GAREM2: variants seen among roughly 807,000 people sequenced by gnomAD.
GAREM2 encodes GRB2-associated and regulator of MAPK protein 2.
In GAREM2, 30 loss-of-function variants were observed where a neutral mutation model predicts 55.6. That is an observed-to-expected ratio of 0.54 (90% CI 0.40 to 0.73). GAREM2 has a LOEUF of 0.73. Among genes scored for constraint, GAREM2 ranks in the 30% least tolerant of loss-of-function variants. The pLI, the probability that GAREM2 is intolerant of heterozygous loss-of-function variation, is 0.00. For missense variants in GAREM2, 1,075 were observed against 1,257.7 expected (o/e 0.85, Z 2.20); for synonymous variants, 550 against 569.1 (o/e 0.97, Z 0.48).
In GAREM2 at chr2:26,187,830, G is replaced by A. The variant is rs1669337770; in HGVS notation, c.2198G>A (p.Arg733His). The A allele has an allele frequency of 7.0e-6, 10 of 1,438,790 alleles. No homozygotes were observed. The highest frequency in any genetic ancestry group is 1.4e-5 in the African/African-American group (1 of 69,518). The allele number at this position is 1,438,790 out of a possible 1,614,324, so 89.1% of individuals were successfully genotyped here. Residue 733 changes from arginine to histidine, a missense_variant, in exon 6 of 6, where the codon CGC becomes CAC. Physicochemically the swap from Arg to His is conservative, Grantham distance 29 (BLOSUM62 0). Around this residue, in one of 6 missense-constraint regions of GAREM2, gnomAD observed 15 missense variants for 31.0 expected, o/e 0.48. Transcript: ENST00000401533. ...RAVGTPGPGP[R>H]LSPLGPSKAF... ...GTGGGGACACCTGGGCCTGGACCCC[G>A]CCTTTCACCACTTGGCCCCTCCAAG...
chr2:26,187,088 C>T (rs1669286393), intron 5 of GAREM2, 143 bp from the exon 6 acceptor site: 4 of 1,237,248 alleles, frequency 3.2e-6, no homozygotes, highest in Non-Finnish European at 4.0e-6. Flanking sequence ...CACGGCCATT[C>T]CGGAGGGTCT....
At chr2:26,193,563 T>C (rs756064417), downstream of GAREM2, 6 of 1,601,862 alleles carry the variant, frequency 3.7e-6, no homozygotes, top group East Asian at 1.3e-4. Context: ...TTATGTTTCC[T>C]TGAGGCTACT....
chr2:26,187,711 G>T lies in GAREM2; in HGVS notation c.2079G>T (p.Trp693Cys), dbSNP rs1669330409. The change falls in exon 6 of 6, where the codon TGG becomes TGT. Residue 693 changes from tryptophan (W) to cysteine (C), a missense_variant. By Grantham distance (215) the Trp-to-Cys change is radical. Transcript: ENST00000401533. ...CCTCCTCCTCCTCTTCTTCTGAATG[G>T]CAGGAACCAGTCCTGGAGCCCTTCG... ...CAPSSSSSSE[W>C]QEPVLEPFDP... 2 of 1,481,694 alleles carry T rather than the reference G, an allele frequency of 1.3e-6. No homozygotes were observed. The highest frequency in any genetic ancestry group is 2.4e-5 in the Admixed American group (1 of 40,898). The allele number at this position is 1,481,694 out of a possible 1,614,324, so 91.8% of individuals were successfully genotyped here.
chr2:26,195,193 G>T, the GAREM2 span: 2 of 1,611,624 alleles, frequency 1.2e-6, no homozygotes, highest in East Asian at 2.2e-5. Context: ...TCCAGCAGCT[G>T]CATCTTGTCC....
intron 1 of GAREM2, among the ~76,000 whole-genome samples, chr2:26,175,789 C>T (rs1046716653): frequency 1.3e-5 from 2 of 152,188 alleles, no homozygotes; most frequent in South Asian, 2.1e-4. Context: ...GGGACAGTCC[C>T]GTCCGGGCCC....
chr2:26,191,779 C>T, downstream of GAREM2: 1 of 776,100 alleles, frequency 1.3e-6, no homozygotes, highest in Non-Finnish European at 2.3e-6. Flanking sequence ...CCTGGGTGAA[C>T]CAAACTTTCC....
intron 3 of GAREM2, among the ~76,000 whole-genome samples, chr2:26,183,332 A>T (rs1275898319): frequency 6.6e-6 from 1 of 152,208 alleles, no homozygotes; most frequent in Non-Finnish European, 1.5e-5. Context: ...TGGAAGGGTC[A>T]TGTTCTGACT....
chr2:26,202,943 G>A, the GAREM2 span, among the ~76,000 whole-genome samples: 1,992 of 152,298 alleles, frequency 0.013, 37 homozygotes, highest in Non-Finnish European at 0.012. Context: ...AGCGGCACTC[G>A]CCAGAACCTG....
intron 1 of GAREM2, among the ~76,000 whole-genome samples, chr2:26,173,578 C>A (rs1247402704): frequency 6.6e-6 from 1 of 152,078 alleles, no homozygotes. Flanking sequence ...AGAGTTTTCC[C>A]GCCCAGCTGG....
Position 26,188,238 on chromosome 2 carries a change from G to A in GAREM2, c.2606G>A (p.Gly869Asp), listed in dbSNP as rs1448272535. Reference protein sequence around the residue: ...QVKKIMQFIKGWRPKI With the variant: ...QVKKIMQFIKDWRPKI The stretch of plus-strand genomic sequence containing the variant: ...AAGAAGATCATGCAGTTCATCAAAG[G>A]CTGGAGGCCCAAGATCTGAACTGCC... Residue 869 changes from glycine (G) to aspartate (D), a missense_variant, in exon 6 of 6, where the codon GGC becomes GAC. Gly to Asp is a moderately conservative substitution (Grantham distance 94). Coordinates refer to ENST00000401533, the MANE Select transcript of GAREM2 (RefSeq NM_001168241.2). 6.7e-7 allele frequency: 1 copy of A among 1,486,400 alleles called. No homozygotes were observed. Among genetic ancestry groups the A allele is most frequent in the African/African-American group, 1.4e-5 (1 of 71,372 alleles). The allele number at this position is 1,486,400 out of a possible 1,614,324, so 92.1% of individuals were successfully genotyped here.
chr2:26,174,725 G>C (rs538841197), intron 1 of GAREM2, among the ~76,000 whole-genome samples: 1 of 152,344 alleles, frequency 6.6e-6, no homozygotes, highest in East Asian at 1.9e-4. Flanking sequence ...GTGAATGTCT[G>C]GTCAGAATTG....
At chr2:26,192,506 GC>G, downstream of GAREM2, 1 of 831,944 alleles carries the variant, frequency 1.2e-6, no homozygotes, top group Non-Finnish European at 2.1e-6. Context: ...CCCTGGCCTG[GC>G]CAGGCGTGGT....
rs1212765359 is a variant in GAREM2 at position 26,187,307 on chromosome 2, G to T, written c.1675G>T (p.Asp559Tyr). 6.6e-7 allele frequency: 1 copy of T among 1,518,282 alleles called. No individual in the cohort carries two copies. The highest frequency in any genetic ancestry group is 1.3e-5 in the South Asian group (1 of 79,570). 94.1% of individuals were successfully genotyped at this position (1,518,282 alleles called of 1,614,324 possible). Residue 559 changes from aspartate to tyrosine, a missense_variant, in exon 6 of 6, where the codon GAC (aspartate) becomes TAC (tyrosine). Transcript: ENST00000401533. ...SLYCYPCTWGDCKVGESSSRP... is the reference protein window; with the variant it reads ...SLYCYPCTWGYCKVGESSSRP... ...CTATTGCTACCCATGCACCTGGGGA[G>T]ACTGCAAGGTGGGCGAGTCCTCTAG...
chr2:26,199,060 A>G, the GAREM2 span, among the ~76,000 whole-genome samples: 1 of 151,926 alleles, frequency 6.6e-6, no homozygotes, highest in Non-Finnish European at 1.5e-5. Context: ...ATGCCTGGCT[A>G]ATTTTTTTGT....
downstream of GAREM2, chr2:26,194,529 G>T: frequency 1.7e-6 from 2 of 1,144,466 alleles, no homozygotes; most frequent in Non-Finnish European, 2.7e-6. Flanking sequence ...GTGACTGAAG[G>T]AGTGGAAGAT....
At chr2:26,176,925 C>T (rs1052945853) in intron 2 of GAREM2, among the ~76,000 whole-genome samples, 1 of 152,160 alleles carries the variant, frequency 6.6e-6, no homozygotes, top group Non-Finnish European at 1.5e-5. Flanking sequence ...CACCTCTCCG[C>T]GCTGATCCTG....
chr2:26,185,293 G>C lies in GAREM2; in HGVS notation c.1428+17G>C, dbSNP rs1254538773. The C allele has an allele frequency of 6.7e-7, 1 of 1,494,812 alleles. No homozygotes were observed. Among genetic ancestry groups the C allele is most frequent in the Non-Finnish European group, 8.9e-7 (1 of 1,128,672 alleles). The allele number at this position is 1,494,812 out of a possible 1,614,324, so 92.6% of individuals were successfully genotyped here. On this transcript the variant is annotated intron_variant, in intron 4 of 5. Transcript: ENST00000401533. ...TCCGAGGCGGTGAGTGAGCGCGCTGGGGGCCGAGTCCCGGGTCCAGCCAGG... is the reference window on the plus strand; with the variant it reads ...TCCGAGGCGGTGAGTGAGCGCGCTGCGGGCCGAGTCCCGGGTCCAGCCAGG...
Position 26,184,551 on chromosome 2 carries a change from G to A in GAREM2, c.703G>A (p.Gly235Ser). The change falls in exon 4 of 6, where the codon GGC (glycine) becomes AGC (serine). Residue 235 changes from glycine (G) to serine (S), a missense_variant. By Grantham distance (56) the Gly-to-Ser change is moderately conservative. Coordinates refer to ENST00000401533, the MANE Select transcript of GAREM2 (RefSeq NM_001168241.2). The stretch of plus-strand genomic sequence containing the variant: ...CCTGAGCCTGCCCTTTCAGTGCCAG[G>A]GCCGCTTCAGCACTCGCAGCCCGCT... ...ESLSLPFQCQ[G>S]RFSTRSPLEL... The A allele has an allele frequency of 6.5e-7, 1 of 1,547,900 alleles. No homozygotes were observed. The highest frequency in any genetic ancestry group is 8.7e-7 in the Non-Finnish European group (1 of 1,145,898).
chr2:26,176,398 G>T lies in GAREM2; in HGVS notation c.167G>T (p.Arg56Leu). Residue 56 changes from arginine (R) to leucine (L), a missense_variant, in exon 2 of 6, where the codon CGG becomes CTG. Arg to Leu is a moderately radical substitution (Grantham distance 102, BLOSUM62 -2). Transcript: ENST00000401533. ...GACATCCTGCTCATCCACTCCTGCC[G>T]GCAGTGGACAACGGTGACAGCTCAT... ...ERDILLIHSC[R>L]QWTTVTAHTL... 3.2e-6 allele frequency: 5 copies of T among 1,550,512 alleles called. No individual in the cohort carries two copies. Among genetic ancestry groups the T allele is most frequent in the South Asian group, 1.2e-5 (1 of 83,772 alleles).
Sources: gnomAD v4.1 joint callset for allele counts (sites outside exome capture counted in the v4.1 genomes callset) on GRCh38, gnomAD v4.1.1 for gene constraint, gnomAD v4.1.1 regional missense constraint, MANE v1.5 for transcripts, NCBI Gene and HGNC (gene_info 2026-07-23, HGNC 2026-07-21) for gene names.